The following RGMA variants were observed in gnomAD, a reference collection of about 807,000 sequenced individuals.
The protein encoded by RGMA is repulsive guidance molecule A.
RGMA carries 10 observed loss-of-function variants against 23.2 expected under a neutral mutation model. The observed-to-expected ratio is 0.43, with a 90% CI of 0.27 to 0.73. The LOEUF is 0.73. Ranked by LOEUF, RGMA falls within the 30% of genes least tolerant of loss-of-function variation. The pLI is 0.20. For missense variants in RGMA, 547 were observed against 630.5 expected, an observed-to-expected ratio of 0.87 and a Z score of 1.42; for synonymous variants, 308 against 279.3, an observed-to-expected ratio of 1.10 and a Z score of -1.03.
Position 93,041,729 on chromosome 15 carries a change from G to A in RGMA, c.*3269C>T, listed in dbSNP as rs1348880805. 6.6e-6 allele frequency: 1 copy of A among 152,188 alleles called. No individual in the cohort carries two copies. Among genetic ancestry groups the A allele is most frequent in the Non-Finnish European group, 1.5e-5 (1 of 68,058 alleles). 9.4% of individuals were successfully genotyped at this position (152,188 alleles called of 1,614,324 possible). On this transcript the variant is annotated 3_prime_UTR_variant, in exon 4 of 4. Coordinates refer to ENST00000329082, the MANE Select transcript of RGMA (RefSeq NM_020211.3). Reference sequence around the variant, plus strand: ...TCGCTCTGTCCCTGGGACTGCTAAGGGCACGGGGCCTGTAGTGACGGTTCC... The same window carrying A: ...TCGCTCTGTCCCTGGGACTGCTAAGAGCACGGGGCCTGTAGTGACGGTTCC...
intron 3 of RGMA, among the ~76,000 whole-genome samples, chr15:93,046,619 G>A (rs559698966): frequency 1.0e-3 from 155 of 152,294 alleles, no homozygotes; most frequent in African/African-American, 3.6e-3. Flanking sequence ...GGAATGGAGG[G>A]AAATGATGCT....
At chr15:93,076,204 T>G (rs1895470612) in intron 1 of RGMA, among the ~76,000 whole-genome samples, 1 of 152,170 alleles carries the variant, frequency 6.6e-6, no homozygotes. Context: ...GCATGACTCT[T>G]GCCCCTTTTC....
chr15:93,080,347 C>T (rs900102869), intron 1 of RGMA, among the ~76,000 whole-genome samples: 3 of 152,126 alleles, frequency 2.0e-5, no homozygotes, highest in Non-Finnish European at 4.4e-5. Context: ...CACAGGTGCA[C>T]ACGCCACCAC....
intron 2 of RGMA, among the ~76,000 whole-genome samples, chr15:93,068,053 A>C (rs1056184413): frequency 2.6e-5 from 4 of 152,172 alleles, no homozygotes; most frequent in Non-Finnish European, 5.9e-5. Flanking sequence ...CAGGCTAGGC[A>C]TGAGTCCAGG....
chr15:93,062,069 G>T (rs56384298), intron 2 of RGMA, among the ~76,000 whole-genome samples: 15 of 152,024 alleles, frequency 9.9e-5, no homozygotes, highest in African/African-American at 3.4e-4. Context: ...TGTAGGAGGG[G>T]TGGGGTGAGC....
intron 1 of RGMA, among the ~76,000 whole-genome samples, chr15:93,087,123 A>G (rs1389215023): frequency 6.6e-6 from 1 of 152,216 alleles, no homozygotes; most frequent in Non-Finnish European, 1.5e-5. Context: ...TGAAAAAAGG[A>G]GGCTAAGACC....
chr15:93,056,528 C>G (rs929351028), intron 2 of RGMA, among the ~76,000 whole-genome samples: 16 of 152,202 alleles, frequency 1.1e-4, no homozygotes, highest in African/African-American at 3.9e-4. Flanking sequence ...GTCTGCCTGC[C>G]ACTCAAAGAT....
chr15:93,088,343 G>C, intron 1 of RGMA: 1 of 985,554 alleles, frequency 1.0e-6, no homozygotes, highest in South Asian at 4.7e-5. Context: ...GTCCACTTAG[G>C]AAAGCCGGGG....
chr15:93,044,981 C>A lies in RGMA; in HGVS notation c.*17G>T, dbSNP rs1160596400. On this transcript the variant is annotated 3_prime_UTR_variant, in exon 4 of 4. Transcript: ENST00000329082. ...GCCGAGAGGACGGAGCCCGCGCCTCCCTCCACATCTACGCGTCTAGCAGAA... is the reference window on the plus strand; with the variant it reads ...GCCGAGAGGACGGAGCCCGCGCCTCACTCCACATCTACGCGTCTAGCAGAA... The A allele has an allele frequency of 6.3e-7, 1 of 1,578,864 alleles. No individual in the cohort carries two copies.
chr15:93,073,762 C>G (rs1435282525), intron 1 of RGMA: 3 of 1,537,024 alleles, frequency 2.0e-6, no homozygotes, highest in Non-Finnish European at 2.6e-6. Context: ...CCCATCCTGA[C>G]TGGGTTTGGC....
At position 93,065,231 on chromosome 15, in the gene RGMA, T is replaced by C. The variant is rs920795116; in HGVS notation, c.130+7685A>G. On this transcript the variant is annotated intron_variant, in intron 2 of 3. Coordinates refer to ENST00000329082, the MANE Select transcript of RGMA (RefSeq NM_020211.3). ...AGGTGGCACATGACAGATGATAAAA[T>C]GGCTTCAGAGGTTGGGGGCCGGGAG... Among the ~76,000 whole-genome samples, 40 of 151,782 alleles carry C rather than the reference T, an allele frequency of 2.6e-4. 2 individuals carry two copies. The highest frequency in any genetic ancestry group is 2.9e-5 in the Non-Finnish European group (2 of 67,944).
intron 1 of RGMA, among the ~76,000 whole-genome samples, chr15:93,087,991 C>T (rs1203210562): frequency 6.6e-6 from 1 of 152,094 alleles, no homozygotes; most frequent in East Asian, 1.9e-4. Context: ...ACTTCGCAGC[C>T]TAAGAGGAAT....
In RGMA at chr15:93,045,893, AAAC is replaced by A. The variant is rs2054818027; in HGVS notation, c.646-191_646-189del. On this transcript the variant is annotated intron_variant, in intron 3 of 3. Coordinates refer to ENST00000329082, the MANE Select transcript of RGMA (RefSeq NM_020211.3). The surrounding 1 kb of genome is among the most constrained non-coding windows in gnomAD (Gnocchi z 6.9). ...TGTGCACTTCACATTCTTTCAATGA[AAAC>A]AACTTGCCCTTTTTACTTTAAAAAG... Among the ~76,000 whole-genome samples the A allele has an allele frequency of 1.3e-5, 2 of 152,230 alleles. No homozygotes were observed. The highest frequency in any genetic ancestry group is 6.5e-5 in the Admixed American group (1 of 15,276).
intron 2 of RGMA, among the ~76,000 whole-genome samples, chr15:93,072,571 G>A (rs993748022): frequency 6.6e-6 from 1 of 151,734 alleles, no homozygotes; most frequent in African/African-American, 2.4e-5. Context: ...CAGCACCGAG[G>A]GCGTGCCTCC....
intron 3 of RGMA, among the ~76,000 whole-genome samples, chr15:93,050,600 C>T (rs992312768): frequency 1.3e-5 from 2 of 152,182 alleles, no homozygotes; most frequent in African/African-American, 2.4e-5. Context: ...TGCTCCACCC[C>T]GTCACATCAC....
rs117088732 is a variant in RGMA at position 93,046,331 on chromosome 15, A to G, written c.646-626T>C. Among the ~76,000 whole-genome samples, 223 of 152,292 alleles carry G rather than the reference A, an allele frequency of 1.5e-3. 1 individual carries two copies. Among genetic ancestry groups the G allele is most frequent in the East Asian group, 6.2e-3 (32 of 5,174 alleles). On this transcript the variant is annotated intron_variant, in intron 3 of 3. Transcript: ENST00000329082. ...AAACCAAGGGATGCTGGCAACCACC[A>G]AAAGCTGGAAATGGCAATGAATGGA...
At position 93,045,447 on chromosome 15, in the gene RGMA, T is replaced by C; in HGVS notation, c.904A>G (p.Asn302Asp). ...FAVRMPEEVV[N>D]AVEDWDSQGL... ...TGGCTGTCCCAGTCCTCCACAGCAT[T>C]GACCACTTCCTCTGGCATGCGGACG... Residue 302 changes from asparagine to aspartate, a missense_variant, in exon 4 of 4, where the codon AAT (asparagine) becomes GAT (aspartate). Asn to Asp is a conservative substitution (Grantham distance 23, BLOSUM62 1). Around this residue, in one of 3 missense-constraint regions of RGMA, gnomAD observed 205 missense variants for 204.1 expected, o/e 1.00. Transcript: ENST00000329082. The surrounding 1 kb of genome is among the most constrained non-coding windows in gnomAD (Gnocchi z 6.9). 1 of 1,613,152 alleles carries C rather than the reference T, an allele frequency of 6.2e-7. No homozygotes were observed. The highest frequency in any genetic ancestry group is 8.5e-7 in the Non-Finnish European group (1 of 1,179,770).
chr15:93,047,361 G>A (rs944267128), intron 3 of RGMA, among the ~76,000 whole-genome samples: 2 of 152,184 alleles, frequency 1.3e-5, no homozygotes, highest in Non-Finnish European at 2.9e-5. Flanking sequence ...AGCTCTGGGT[G>A]CCTTGGTCCC....
chr15:93,066,823 T>C (rs889096629), intron 2 of RGMA, among the ~76,000 whole-genome samples: 14 of 152,232 alleles, frequency 9.2e-5, no homozygotes, highest in Non-Finnish European at 1.6e-4. Context: ...CCACATGGCA[T>C]ATTTAATGAC....
Sources: gnomAD v4.1 joint callset for allele counts (sites outside exome capture counted in the v4.1 genomes callset) on GRCh38, gnomAD v4.1.1 for gene constraint, gnomAD v4.1.1 regional missense constraint, Gnocchi (gnomAD v3.1) non-coding constraint, MANE v1.5 for transcripts, NCBI Gene and HGNC (gene_info 2026-07-23, HGNC 2026-07-21) for gene names.